CHRNA4: variants seen among roughly 807,000 people sequenced by gnomAD.
CHRNA4 encodes the protein neuronal acetylcholine receptor subunit alpha-4.
A neutral mutation model predicts 48.9 loss-of-function variants in CHRNA4; 28 were observed. That is an observed-to-expected ratio of 0.57 (90% CI 0.42 to 0.79). The LOEUF is 0.79. Ranked by LOEUF, CHRNA4 falls within the 30% of genes least tolerant of loss-of-function variation. The pLI is 0.00. For missense variants in CHRNA4, 859 were observed against 898.4 expected (o/e 0.96, Z 0.56); for synonymous variants, 425 against 402.3 (o/e 1.06, Z -0.68).
intron 4 of CHRNA4, among the ~76,000 whole-genome samples, chr20:63,353,992 T>C (rs2068672550): frequency 5.0e-5 from 1 of 20,060 alleles, no homozygotes. Flanking sequence ...CCTGGGGGGC[T>C]GTGGTCCTGG....
rs1182019017 is a variant in CHRNA4 at position 63,344,694 on chromosome 20, G to T, written c.*2044C>A. 2.2e-6 allele frequency: 1 copy of T among 453,958 alleles called. No individual in the cohort carries two copies. The highest frequency in any genetic ancestry group is 6.9e-5 in the East Asian group (1 of 14,398). The allele number at this position is 453,958 out of a possible 1,614,324, so 28.1% of individuals were successfully genotyped here. ...CAGCTGGGTCCACTTATGCAATGTG[G>T]ATCGGGCTTCTTACATCTGAAATCT... On this transcript the variant is annotated 3_prime_UTR_variant, in exon 6 of 6. Transcript: ENST00000370263. The surrounding 1 kb of genome is among the most constrained non-coding windows in gnomAD (Gnocchi z 4.5).
chr20:63,351,848 G>A (rs1182140741), intron 4 of CHRNA4, among the ~76,000 whole-genome samples: 1 of 152,222 alleles, frequency 6.6e-6, no homozygotes, highest in African/African-American at 2.4e-5. Context: ...CTCCCGGTAG[G>A]CAGAGCTCCC....
chr20:63,359,351 G>A, intron 2 of CHRNA4, 197 bp downstream of exon 2: 2 of 698,772 alleles, frequency 2.9e-6, no homozygotes, highest in South Asian at 1.7e-5. Context: ...GGGCCTGGCT[G>A]GGACGCTCTG....
At chr20:63,347,454 A>G (rs1338606274) in intron 5 of CHRNA4, among the ~76,000 whole-genome samples, 1 of 152,126 alleles carries the variant, frequency 6.6e-6, no homozygotes, top group East Asian at 1.9e-4. Context: ...TACATATCTG[A>G]ACGGGGACAG....
chr20:63,360,521 G>C (rs1292238073), intron 1 of CHRNA4, among the ~76,000 whole-genome samples: 1 of 152,182 alleles, frequency 6.6e-6, no homozygotes, highest in East Asian at 1.9e-4. Context: ...CTGGGCGGAG[G>C]GGGAGACCTC....
chr20:63,349,073 C>G (rs1417849995), intron 5 of CHRNA4, among the ~76,000 whole-genome samples: 1 of 152,118 alleles, frequency 6.6e-6, no homozygotes, highest in Admixed American at 6.5e-5. Context: ...GCCCCCAGCC[C>G]CTGGCTCTCC....
At chr20:63,359,920 TGTGTGTGTGC>T (rs1319860589) in intron 1 of CHRNA4, 1 of 388,956 alleles carries the variant, frequency 2.6e-6, no homozygotes. Flanking sequence ...TGTGTGTGTG[TGTGTGTGTGC>T]CGGGCGTGGC....
At position 63,350,177 on chromosome 20, in the gene CHRNA4, G is replaced by C; in HGVS notation, c.1234C>G (p.Leu412Val). Reference protein sequence around the residue: ...HPPSPSFCVPLDVPAEPGPSC... With the variant: ...HPPSPSFCVPVDVPAEPGPSC... ...GGCCCAGGCTCAGCCGGCACATCCA[G>C]GGGGACACAGAAGGACGGTGAGGGC... Residue 412 changes from leucine to valine, a missense_variant, in exon 5 of 6, where the codon CTG becomes GTG. Coordinates refer to ENST00000370263, the MANE Select transcript of CHRNA4 (RefSeq NM_000744.7). The C allele has an allele frequency of 1.3e-6, 2 of 1,591,948 alleles. No homozygotes were observed. The highest frequency in any genetic ancestry group is 1.7e-6 in the Non-Finnish European group (2 of 1,167,792).
At position 63,352,886 on chromosome 20, in the gene CHRNA4, C is replaced by T. The variant is rs1321559528; in HGVS notation, c.384-1859G>A. ...GCTGCATCACTGCTGCTCCCTGCCCCGCCCACCCCTGGCTCCAGCCGCCCT... is the reference window on the plus strand; with the variant it reads ...GCTGCATCACTGCTGCTCCCTGCCCTGCCCACCCCTGGCTCCAGCCGCCCT... On this transcript the variant is annotated intron_variant, in intron 4 of 5. Transcript: ENST00000370263. 5.3e-5 allele frequency among the ~76,000 whole-genome samples: 8 copies of T among 152,254 alleles called. No homozygotes were observed. In the South Asian group the frequency reaches 1.0e-3, roughly 20 times the overall value.
At chr20:63,354,259 C>T (rs2068682591) in intron 4 of CHRNA4, among the ~76,000 whole-genome samples, 1 of 67,066 alleles carries the variant, frequency 1.5e-5, no homozygotes, top group Non-Finnish European at 2.6e-5. Flanking sequence ...GGCTGTGGTC[C>T]TGGGGGGCTG....
At position 63,356,355 on chromosome 20, in the gene CHRNA4, G is replaced by C; in HGVS notation, c.273+16C>G. 2.5e-6 allele frequency: 4 copies of C among 1,575,032 alleles called. No individual in the cohort carries two copies. Among genetic ancestry groups the C allele is most frequent in the Non-Finnish European group, 3.5e-6 (4 of 1,158,598 alleles). On this transcript the variant is annotated intron_variant, in intron 3 of 5. Coordinates refer to ENST00000370263, the MANE Select transcript of CHRNA4 (RefSeq NM_000744.7). Reference sequence around the variant, plus strand: ...GGGAGGGCAGGGGTGGGGCAGGGCAGTGCCCTCCCACTCACCTGCTTCACC... The same window carrying C: ...GGGAGGGCAGGGGTGGGGCAGGGCACTGCCCTCCCACTCACCTGCTTCACC...
intron 4 of CHRNA4, chr20:63,354,658 G>C: frequency 1.0e-6 from 1 of 983,942 alleles, no homozygotes; most frequent in Non-Finnish European, 1.2e-6. Context: ...GTGGTCCTCA[G>C]AGGCTTCGTT....
chr20:63,357,680 G>T (rs997655609), intron 2 of CHRNA4, among the ~76,000 whole-genome samples: 1 of 152,168 alleles, frequency 6.6e-6, no homozygotes, highest in Non-Finnish European at 1.5e-5. Flanking sequence ...GAGTGGGCCA[G>T]ACACAAGGCA....
intron 4 of CHRNA4, chr20:63,354,657 A>T: frequency 1.0e-6 from 1 of 983,098 alleles, no homozygotes; most frequent in Non-Finnish European, 1.2e-6. Context: ...TGTGGTCCTC[A>T]GAGGCTTCGT....
rs886044055 is a variant in CHRNA4 at position 63,361,122 on chromosome 20, A to G, written c.44T>C (p.Leu15Pro). 14 of 1,478,014 alleles carry G rather than the reference A, an allele frequency of 9.5e-6. No individual in the cohort carries two copies. Among genetic ancestry groups the G allele is most frequent in the East Asian group, 2.9e-5 (1 of 34,870 alleles). 91.6% of individuals were successfully genotyped at this position (1,478,014 alleles called of 1,614,324 possible). ...GPGAPRLLPP[L>P]LLLLGTGLLR... is the part of the protein sequence containing the mutation. ...GAGGCCGGTCCCCAGAAGCAGCAGC[A>G]GCGGCGGCAGCAGCCGCGGCGCTCC... The change falls in exon 1 of 6, where the codon CTG becomes CCG. Residue 15 changes from leucine (L) to proline (P), a missense_variant. Physicochemically the swap from Leu to Pro is moderately conservative, Grantham distance 98. Around this residue, in one of 3 missense-constraint regions of CHRNA4, gnomAD observed 342 missense variants for 365.3 expected, o/e 0.94. Coordinates refer to ENST00000370263, the MANE Select transcript of CHRNA4 (RefSeq NM_000744.7).
intron 4 of CHRNA4, 86 bp from the exon 5 acceptor site, chr20:63,351,113 GTCCACACCCACACCCACA>G (rs1196167586): frequency 7.0e-6 from 10 of 1,437,662 alleles, no homozygotes; most frequent in African/African-American, 5.9e-5. Context: ...CCATGCCCAC[GTCCACACCCACACCCACA>G]TCCACGCCCA....
chr20:63,355,471 T>G, intron 4 of CHRNA4: 4 of 1,259,026 alleles, frequency 3.2e-6, no homozygotes, highest in Non-Finnish European at 4.2e-6. Flanking sequence ...CCTAGTGGCA[T>G]GAGAACCATC....
At chr20:63,360,440 T>C (rs1421070997) in intron 1 of CHRNA4, among the ~76,000 whole-genome samples, 1 of 152,186 alleles carries the variant, frequency 6.6e-6, no homozygotes, top group Non-Finnish European at 1.5e-5. Flanking sequence ...GGTCCATCTG[T>C]GCTCCAGGTC....
At chr20:63,349,455 CT>C in intron 5 of CHRNA4, 197 bp downstream of exon 5, 1 of 722,400 alleles carries the variant, frequency 1.4e-6, no homozygotes. Context: ...TCGGGGCCCC[CT>C]GCCCCGCTCA....
Sources: gnomAD v4.1 joint callset for allele counts (sites outside exome capture counted in the v4.1 genomes callset) on GRCh38, gnomAD v4.1.1 for gene constraint, gnomAD v4.1.1 regional missense constraint, Gnocchi (gnomAD v3.1) non-coding constraint, MANE v1.5 for transcripts, NCBI Gene and HGNC (gene_info 2026-07-23, HGNC 2026-07-21) for gene names.